THSD4: variants seen among roughly 807,000 people sequenced by gnomAD.
The protein encoded by THSD4 is thrombospondin type 1 domain containing 4.
THSD4 carries 69 observed loss-of-function variants against 119.0 expected under a neutral mutation model. That is an observed-to-expected ratio of 0.58 (90% CI 0.48 to 0.71). The LOEUF (loss-of-function observed/expected upper bound fraction) is 0.71, where lower values mean the gene tolerates loss of function less well. Among genes scored for constraint, THSD4 ranks in the 30% least tolerant of loss-of-function variants. The pLI, the probability that THSD4 is intolerant of heterozygous loss-of-function variation, is 0.00. For missense variants in THSD4, 1,393 were observed against 1,391.1 expected (o/e 1.00, Z -0.02); for synonymous variants, 524 against 540.4 (o/e 0.97, Z 0.42).
In THSD4 at chr15:71,203,276, A is replaced by G. The variant is rs1016626702; in HGVS notation, c.100-11759A>G. Among the ~76,000 whole-genome samples the G allele has an allele frequency of 2.6e-5, 4 of 152,232 alleles. No individual in the cohort carries two copies. The East Asian group carries it at 5.8e-4, about 22-fold the overall frequency. The stretch of plus-strand genomic sequence containing the variant: ...GTTTGGGATGCCATGGCAAAGAGTA[A>G]TTTTGGATTTTATCTTTTGGAGAGT... On this transcript the variant is annotated intron_variant, in intron 3 of 17. Coordinates refer to ENST00000261862, the MANE Select transcript of THSD4 (RefSeq NM_024817.3).
At chr15:71,641,373 G>A (rs2050855097) in intron 7 of THSD4, among the ~76,000 whole-genome samples, 1 of 151,638 alleles carries the variant, frequency 6.6e-6, no homozygotes, top group Non-Finnish European at 1.5e-5. Flanking sequence ...ATCTAGCAAT[G>A]CCTGTCTTCT....
intron 6 of THSD4, among the ~76,000 whole-genome samples, chr15:71,280,148 A>G (rs1442585011): frequency 1.3e-5 from 2 of 152,208 alleles, no homozygotes. Context: ...AGAGGGAACC[A>G]CAGAAGCAAA....
chr15:71,544,173 G>C (rs1228394803), intron 7 of THSD4, among the ~76,000 whole-genome samples: 2 of 152,186 alleles, frequency 1.3e-5, no homozygotes, highest in Non-Finnish European at 2.9e-5. Context: ...GTGTCAAGGA[G>C]TCCAGAGCAA....
intron 7 of THSD4, among the ~76,000 whole-genome samples, chr15:71,628,925 T>A (rs1167934410): frequency 6.6e-6 from 1 of 152,206 alleles, no homozygotes; most frequent in East Asian, 1.9e-4. Flanking sequence ...GCCATCTAAC[T>A]AATATTTATT....
intron 7 of THSD4, among the ~76,000 whole-genome samples, chr15:71,507,476 G>A (rs986258339): frequency 6.6e-6 from 1 of 152,044 alleles, no homozygotes; most frequent in Non-Finnish European, 1.5e-5. Flanking sequence ...CCTGTACTTA[G>A]TTGTGTGTTT....
At chr15:71,379,403 C>G (rs941124377) in intron 6 of THSD4, among the ~76,000 whole-genome samples, 1 of 149,708 alleles carries the variant, frequency 6.7e-6, no homozygotes, top group Non-Finnish European at 1.5e-5. Context: ...CAACCTCTGA[C>G]TCCATTAAGT....
At chr15:71,377,054 G>A (rs1455311681) in intron 6 of THSD4, among the ~76,000 whole-genome samples, 1 of 152,216 alleles carries the variant, frequency 6.6e-6, no homozygotes, top group East Asian at 1.9e-4. Flanking sequence ...ATGTGGCACT[G>A]ATTGTGGGAA....
At chr15:71,302,916 C>T (rs1159788078) in intron 6 of THSD4, among the ~76,000 whole-genome samples, 2 of 152,084 alleles carry the variant, frequency 1.3e-5, no homozygotes, top group African/African-American at 2.4e-5. Context: ...GAGGGTCTTG[C>T]AGTCATCTAC....
At chr15:71,656,784 C>G (rs1422138295) in intron 7 of THSD4, among the ~76,000 whole-genome samples, 2 of 152,158 alleles carry the variant, frequency 1.3e-5, no homozygotes, top group Non-Finnish European at 2.9e-5. Context: ...TCTTCTAAGT[C>G]TTAGTTTCCT....
chr15:71,650,090 A>G lies in THSD4; in HGVS notation c.1153-10440A>G, dbSNP rs186956050. 7.8e-4 allele frequency among the ~76,000 whole-genome samples: 119 copies of G among 152,316 alleles called. 1 individual carries two copies. Among genetic ancestry groups the G allele is most frequent in the Non-Finnish European group, 1.4e-3 (92 of 68,020 alleles). ...AGCAAGAGTCAGCAAGTTATAGCCC[A>G]TGGGCCAAATCTAGCAAGTAAACCA... is the stretch of plus-strand genomic sequence containing the variant. On this transcript the variant is annotated intron_variant, in intron 7 of 17. Transcript: ENST00000261862.
At chr15:71,309,369 TAA>T (rs759958566) in intron 6 of THSD4, among the ~76,000 whole-genome samples, 1 of 152,376 alleles carries the variant, frequency 6.6e-6, no homozygotes, top group South Asian at 2.1e-4. Flanking sequence ...TTTTTATTGT[TAA>T]AGTGTAAGCG....
chr15:71,205,575 G>C (rs758697093), intron 3 of THSD4, among the ~76,000 whole-genome samples: 2 of 152,112 alleles, frequency 1.3e-5, no homozygotes, highest in Non-Finnish European at 2.9e-5. Flanking sequence ...AACTGTTCCT[G>C]AAATGCATTT....
At chr15:71,585,021 A>T (rs1401366677) in intron 7 of THSD4, among the ~76,000 whole-genome samples, 1 of 152,152 alleles carries the variant, frequency 6.6e-6, no homozygotes, top group Non-Finnish European at 1.5e-5. Context: ...ACAATTTATA[A>T]CTTTTATGTT....
chr15:71,460,195 G>C (rs778477197), intron 7 of THSD4, among the ~76,000 whole-genome samples: 7 of 152,040 alleles, frequency 4.6e-5, no homozygotes, highest in Non-Finnish European at 8.8e-5. Flanking sequence ...GAGGTTGAAA[G>C]CTAGGTCAAT....
intron 6 of THSD4, among the ~76,000 whole-genome samples, chr15:71,299,974 A>ATATATATAT (rs1285846370): frequency 1.6e-4 from 6 of 36,692 alleles, no homozygotes; most frequent in South Asian, 1.5e-3. Context: ...AAAAAAAAAA[A>ATATATATAT]AAATATATAT....
At chr15:71,449,097 C>T (rs149137919) in intron 7 of THSD4, among the ~76,000 whole-genome samples, 2 of 152,172 alleles carry the variant, frequency 1.3e-5, no homozygotes, top group African/African-American at 4.8e-5. Context: ...CTGGTCACTG[C>T]CCCAGAGGGT....
chr15:71,260,867 G>T (rs567049143), intron 6 of THSD4, among the ~76,000 whole-genome samples: 202 of 152,320 alleles, frequency 1.3e-3, no homozygotes, highest in African/African-American at 4.0e-3. Context: ...TTGGGAGGCT[G>T]AGGCAGGTTG....
At chr15:71,630,988 C>G (rs1043149920) in intron 7 of THSD4, among the ~76,000 whole-genome samples, 1 of 152,210 alleles carries the variant, frequency 6.6e-6, no homozygotes, top group African/African-American at 2.4e-5. Flanking sequence ...CCATCATGCT[C>G]TCCTCCCCAA....
At chr15:71,428,922 TAGAG>T (rs768039468) in intron 7 of THSD4, among the ~76,000 whole-genome samples, 26 of 152,234 alleles carry the variant, frequency 1.7e-4, no homozygotes, top group Non-Finnish European at 3.2e-4. Context: ...TAGCATGTGT[TAGAG>T]AGCTTTCTGT....
Sources: allele counts gnomAD v4.1 joint callset (sites outside exome capture counted in the v4.1 genomes callset), GRCh38; gene constraint gnomAD v4.1.1; transcripts MANE v1.5; gene names NCBI Gene and HGNC (gene_info 2026-07-23, HGNC 2026-07-21).